Variants in PHLDB2 observed in about 807,000 individuals in gnomAD.
PHLDB2 encodes pleckstrin homology like domain family B member 2, also known as pleckstrin homology-like domain family B member 2.
A neutral mutation model predicts 123.6 loss-of-function variants in PHLDB2; 71 were observed. That is an observed-to-expected ratio of 0.57 (90% CI 0.47 to 0.70). The LOEUF is 0.70. Ranked by LOEUF, PHLDB2 falls within the 30% of genes least tolerant of loss-of-function variation. The pLI is 0.00. For missense variants in PHLDB2, 1,446 were observed against 1,519.5 expected, an observed-to-expected ratio of 0.95 and a Z score of 0.80; for synonymous variants, 547 against 541.6, an observed-to-expected ratio of 1.01 and a Z score of -0.14.
At chr3:111,919,280 T>C in intron 4 of PHLDB2, 65 bp downstream of exon 4, 2 of 1,557,458 alleles carry the variant, frequency 1.3e-6, no homozygotes, top group Non-Finnish European at 1.8e-6. Context: ...TGCTACTTAT[T>C]CAGGAATAGG....
intron 1 of PHLDB2, among the ~76,000 whole-genome samples, chr3:111,861,887 C>T (rs1875133): frequency 0.035 from 5,374 of 152,264 alleles, 329 homozygotes; most frequent in African/African-American, 0.12. Context: ...GGTTGACTCT[C>T]GAGTTCATTG....
chr3:111,917,457 C>T (rs1365148987), intron 3 of PHLDB2: 2 of 152,196 alleles, frequency 1.3e-5, no homozygotes, highest in Admixed American at 1.3e-4. Context: ...CAACAGGATA[C>T]CGCCCTTGGT....
chr3:111,865,735 C>T (rs560373352), intron 1 of PHLDB2, among the ~76,000 whole-genome samples: 4 of 151,822 alleles, frequency 2.6e-5, no homozygotes, highest in East Asian at 1.9e-4. Context: ...AACATCCTAA[C>T]GTAACCATTT....
chr3:111,904,593 G>A (rs571787236), intron 2 of PHLDB2, among the ~76,000 whole-genome samples: 91 of 152,196 alleles, frequency 6.0e-4, no homozygotes, highest in African/African-American at 2.1e-3. Context: ...GGGTGTGGTG[G>A]GTGTGAAAGG....
chr3:111,859,769 C>T (rs1445443521), intron 1 of PHLDB2, 193 bp downstream of exon 1: 1 of 985,090 alleles, frequency 1.0e-6, no homozygotes, highest in South Asian at 4.7e-5. Context: ...CACCGCGAGT[C>T]AGGAGGGGCC....
chr3:111,929,910 A>AT (rs34482002), intron 5 of PHLDB2, among the ~76,000 whole-genome samples: 2,646 of 123,056 alleles, frequency 0.022, 77 homozygotes, highest in African/African-American at 0.06. Context: ...TAAATATAAG[A>AT]TTTTTTTTTT....
chr3:111,750,520 G>A lies in PHLDB2; in HGVS notation c.-49+17817G>A, dbSNP rs1038322137. ...CCAGAGGTTAAAGGAGAAAGTTGAC[G>A]TAATCAAGACCTTAAAGATTGGTCT... On this transcript the variant is annotated intron_variant, in intron 1 of 17. Transcript: ENST00000393923. Among the ~76,000 whole-genome samples, 5 of 152,310 alleles carry A rather than the reference G, an allele frequency of 3.3e-5. No individual in the cohort carries two copies. The East Asian group carries it at 7.7e-4, about 23-fold the overall frequency.
intron 1 of PHLDB2, among the ~76,000 whole-genome samples, chr3:111,733,180 TC>T (rs535197014): frequency 0.018 from 2,772 of 152,286 alleles, 79 homozygotes; most frequent in Non-Finnish European, 0.023. Flanking sequence ...TATGATAGGC[TC>T]TCCCAGGAAG....
chr3:111,751,701 G>C (rs1274317776), intron 1 of PHLDB2, among the ~76,000 whole-genome samples: 2 of 133,070 alleles, frequency 1.5e-5, no homozygotes, highest in Non-Finnish European at 3.2e-5. Context: ...GCTGGGGGGA[G>C]GGGGGAGGGA....
rs114570619 is a variant in PHLDB2 at position 111,865,709 on chromosome 3, C to T, written c.-15+6133C>T. 8.2e-3 allele frequency among the ~76,000 whole-genome samples: 1,239 copies of T among 151,982 alleles called. 18 individuals are homozygous for T. Among genetic ancestry groups the T allele is most frequent in the African/African-American group, 0.027 (1,123 of 41,434 alleles). ...TCCAGTGTTCTTTCTACTAGATTGG[C>T]CACTGTAATAAAAATAACATCCTAA... On this transcript the variant is annotated intron_variant, in intron 1 of 17. Coordinates refer to ENST00000431670, the MANE Select transcript of PHLDB2 (RefSeq NM_001134438.2).
intron 1 of PHLDB2, among the ~76,000 whole-genome samples, chr3:111,811,148 T>C (rs1280557670): frequency 1.3e-5 from 2 of 152,216 alleles, no homozygotes; most frequent in Non-Finnish European, 2.9e-5. Context: ...AGGATTTAAG[T>C]AACTGGTCTT....
At chr3:111,914,041 T>A in intron 3 of PHLDB2, 1 of 275,746 alleles carries the variant, frequency 3.6e-6, no homozygotes, top group Non-Finnish European at 6.9e-6. Flanking sequence ...TGTGTATATA[T>A]GGCTATCTGT....
chr3:111,784,200 A>G (rs2060593305), intron 1 of PHLDB2, among the ~76,000 whole-genome samples: 1 of 152,200 alleles, frequency 6.6e-6, no homozygotes, highest in Non-Finnish European at 1.5e-5. Flanking sequence ...GATTAAGGAC[A>G]TATGTCCGAA....
chr3:111,959,665 A>C (rs2071273367), intron 12 of PHLDB2, among the ~76,000 whole-genome samples: 2 of 152,182 alleles, frequency 1.3e-5, no homozygotes, highest in South Asian at 4.1e-4. Flanking sequence ...GAGTCATTTT[A>C]GTTTACTATC....
chr3:111,839,940 C>CTTTTTTTTTTTTTTTTTTTTTT lies in PHLDB2; in HGVS notation c.-48-5878_-48-5857dup, dbSNP rs3082317. On this transcript the variant is annotated intron_variant, in intron 1 of 17. Transcript: ENST00000393923. Reference sequence around the variant, plus strand: ...TTTGTTTAAAAGCCCCCCACCCCCGCTTTTTTTTTTTTTTTTTTTTTTTTG... The same window carrying CTTTTTTTTTTTTTTTTTTTTTT: ...TTTGTTTAAAAGCCCCCCACCCCCGCTTTTTTTTTTTTTTTTTTTTTTTTTTTTTTTTTTTTTTTTTTTTTTG... Among the ~76,000 whole-genome samples, 2 of 64,940 alleles carry CTTTTTTTTTTTTTTTTTTTTTT rather than the reference C, an allele frequency of 3.1e-5. 1 individual carries two copies. The highest frequency in any genetic ancestry group is 5.5e-4 in the Admixed American group (2 of 3,652). 42.6% of individuals were successfully genotyped at this position (64,940 alleles called of 152,430 possible). A position where few individuals can be genotyped will look rare whatever the true frequency, so the allele number is the denominator to read the frequency against.
chr3:111,963,866 C>G (rs1465578520), intron 13 of PHLDB2, among the ~76,000 whole-genome samples: 2 of 152,152 alleles, frequency 1.3e-5, no homozygotes, highest in Non-Finnish European at 2.9e-5. Flanking sequence ...GATGCTTTAT[C>G]AAAATACACA....
chr3:111,824,525 C>T (rs1199854718), intron 1 of PHLDB2, among the ~76,000 whole-genome samples: 1 of 152,134 alleles, frequency 6.6e-6, no homozygotes, highest in African/African-American at 2.4e-5. Context: ...TAAAGGTCTC[C>T]AGAGGAAACG....
chr3:111,808,914 C>G (rs2061714229), intron 1 of PHLDB2, among the ~76,000 whole-genome samples: 1 of 152,142 alleles, frequency 6.6e-6, no homozygotes, highest in South Asian at 2.1e-4. Flanking sequence ...ACTACTAGTA[C>G]TAAACAATTC....
intron 1 of PHLDB2, among the ~76,000 whole-genome samples, chr3:111,740,974 A>G (rs1164238252): frequency 6.6e-6 from 1 of 152,064 alleles, no homozygotes; most frequent in Non-Finnish European, 1.5e-5. Flanking sequence ...ATGAACAATG[A>G]TGACAAGGTG....
Sources: gnomAD v4.1 joint callset for allele counts (sites outside exome capture counted in the v4.1 genomes callset) on GRCh38, gnomAD v4.1.1 for gene constraint, MANE v1.5 for transcripts, NCBI Gene and HGNC (gene_info 2026-07-23, HGNC 2026-07-21) for gene names.